TTC1: variants seen among roughly 807,000 people sequenced by gnomAD.
TTC1 encodes the protein tetratricopeptide repeat domain 1.
A neutral mutation model predicts 37.6 loss-of-function variants in TTC1; 31 were observed. That is an observed-to-expected ratio of 0.82 (90% confidence interval 0.62 to 1.11). The LOEUF is 1.11. Among genes scored for constraint, TTC1 ranks in the 50% most tolerant of loss-of-function variants. The probability of loss-of-function intolerance (pLI) is 0.00; values close to 1 mark genes in which losing one functional copy is unlikely to be tolerated. For missense variants in TTC1, 351 were observed against 339.0 expected, an observed-to-expected ratio of 1.04 and a Z score of -0.28; for synonymous variants, 127 against 122.4, an observed-to-expected ratio of 1.04 and a Z score of -0.25.
chr5:160,023,486 T>G (rs1756748820), intron 2 of TTC1, among the ~76,000 whole-genome samples: 2 of 151,994 alleles, frequency 1.3e-5, no homozygotes, highest in Non-Finnish European at 2.9e-5. Context: ...AGAGACACGG[T>G]CTTGCTGTGT....
At position 160,065,011 on chromosome 5, in the gene TTC1, C is replaced by T. The variant is rs140930247; in HGVS notation, c.825C>T (p.Ser275=). 2.5e-6 allele frequency: 4 copies of T among 1,613,908 alleles called. No homozygotes were observed. Among genetic ancestry groups the T allele is most frequent in the African/African-American group, 2.7e-5 (2 of 74,904 alleles). The part of the protein sequence containing the change: ...STENFQIKQD[S]STGSYSINFV... Reference sequence around the variant, plus strand: ...AAAATTTCCAGATCAAACAGGATTCCTCTACCGGCTCGTACTCCATCAATT... The same window carrying T: ...AAAATTTCCAGATCAAACAGGATTCTTCTACCGGCTCGTACTCCATCAATT... Residue 275 remains serine, a synonymous_variant, in exon 8 of 8, where the codon TCC becomes TCT. Coordinates refer to ENST00000231238, the MANE Select transcript of TTC1 (RefSeq NM_003314.3).
chr5:160,033,218 T>C (rs1341225484), intron 2 of TTC1, among the ~76,000 whole-genome samples: 2 of 152,186 alleles, frequency 1.3e-5, no homozygotes, highest in Non-Finnish European at 2.9e-5. Flanking sequence ...TAGGTAAATA[T>C]GGCCATATTC....
chr5:160,025,055 T>C (rs1007126039), intron 2 of TTC1, among the ~76,000 whole-genome samples: 3 of 152,318 alleles, frequency 2.0e-5, no homozygotes, highest in Non-Finnish European at 4.4e-5. Context: ...TGAGACGAAG[T>C]CTCACTCTGT....
intron 2 of TTC1, among the ~76,000 whole-genome samples, chr5:160,023,382 C>T (rs908435907): frequency 2.0e-5 from 3 of 150,906 alleles, no homozygotes; most frequent in Non-Finnish European, 2.9e-5. Context: ...ACCTCTACCT[C>T]TGGGGCTCAA....
intron 5 of TTC1, among the ~76,000 whole-genome samples, chr5:160,048,637 G>A (rs1757321281): frequency 2.6e-5 from 4 of 152,138 alleles, no homozygotes; most frequent in Admixed American, 2.6e-4. Flanking sequence ...GGAACAGTGA[G>A]GATTTAACTA....
intron 2 of TTC1, among the ~76,000 whole-genome samples, chr5:160,022,994 G>A (rs908403715): frequency 5.3e-5 from 8 of 152,108 alleles, no homozygotes; most frequent in African/African-American, 1.9e-4. Context: ...AGTGGCTCAC[G>A]CCTGTAATCC....
At chr5:160,017,482 C>G (rs1756627660) in intron 2 of TTC1, among the ~76,000 whole-genome samples, 1 of 152,114 alleles carries the variant, frequency 6.6e-6, no homozygotes, top group Non-Finnish European at 1.5e-5. Flanking sequence ...AATCACATCC[C>G]AAAAGGACGC....
At chr5:160,041,638 A>G (rs1168208968) in intron 4 of TTC1, among the ~76,000 whole-genome samples, 1 of 152,056 alleles carries the variant, frequency 6.6e-6, no homozygotes, top group Admixed American at 6.6e-5. Flanking sequence ...CATGACTTGC[A>G]GTGCAGTAGG....
At chr5:160,015,305 G>A (rs144164604) in intron 2 of TTC1, among the ~76,000 whole-genome samples, 1,762 of 152,188 alleles carry the variant, frequency 0.012, 23 homozygotes, top group African/African-American at 0.024. Flanking sequence ...AACCTCCTGG[G>A]CTCAAGCAAT....
At chr5:160,015,214 T>A (rs943645863) in intron 2 of TTC1, among the ~76,000 whole-genome samples, 2 of 152,128 alleles carry the variant, frequency 1.3e-5, no homozygotes, top group African/African-American at 4.8e-5. Flanking sequence ...AAAGCTTTTT[T>A]CTTCTTGTGT....
chr5:160,015,687 A>G (rs530799427), intron 2 of TTC1, among the ~76,000 whole-genome samples: 20 of 152,286 alleles, frequency 1.3e-4, no homozygotes, highest in South Asian at 4.1e-4. Flanking sequence ...GTAATAAACT[A>G]CTAAGTGTAA....
At chr5:160,017,192 A>G (rs115158681) in intron 2 of TTC1, among the ~76,000 whole-genome samples, 4,086 of 152,320 alleles carry the variant, frequency 0.027, 101 homozygotes, top group Non-Finnish European at 0.038. Flanking sequence ...AATTGCAATA[A>G]TAACATTATG....
intron 7 of TTC1, among the ~76,000 whole-genome samples, chr5:160,055,359 G>C (rs1757516037): frequency 6.6e-6 from 1 of 152,186 alleles, no homozygotes; most frequent in African/African-American, 2.4e-5. Context: ...GGCTGCATGG[G>C]CTACTTTTCA....
chr5:160,037,832 C>T (rs568301582), intron 4 of TTC1, among the ~76,000 whole-genome samples: 45 of 147,880 alleles, frequency 3.0e-4, no homozygotes, highest in Non-Finnish European at 4.5e-4. Flanking sequence ...CTACTTACAT[C>T]CAAAGTACAA....
At chr5:160,048,215 G>A (rs1042547233) in intron 5 of TTC1, among the ~76,000 whole-genome samples, 5 of 128,158 alleles carry the variant, frequency 3.9e-5, no homozygotes, top group African/African-American at 1.2e-4. Context: ...TGATGCAATC[G>A]CCACTCACTG....
intron 2 of TTC1, among the ~76,000 whole-genome samples, chr5:160,032,741 G>T (rs1376398816): frequency 2.6e-5 from 3 of 114,310 alleles, no homozygotes; most frequent in Admixed American, 1.1e-4. Flanking sequence ...TTGAGACGGA[G>T]TCTCACTCTG....
At chr5:160,012,289 C>T (rs1444789532) in intron 2 of TTC1, among the ~76,000 whole-genome samples, 1 of 152,080 alleles carries the variant, frequency 6.6e-6, no homozygotes, top group East Asian at 1.9e-4. Context: ...AGTCTGATCC[C>T]TACCTCTAAT....
intron 2 of TTC1, among the ~76,000 whole-genome samples, chr5:160,029,038 A>G (rs111528722): frequency 6.6e-6 from 1 of 152,178 alleles, no homozygotes; most frequent in Non-Finnish European, 1.5e-5. Context: ...TGAACTTTAC[A>G]TAGTAGGTTC....
intron 2 of TTC1, among the ~76,000 whole-genome samples, chr5:160,025,948 T>A (rs1186372014): frequency 2.0e-5 from 3 of 152,162 alleles, no homozygotes; most frequent in Non-Finnish European, 4.4e-5. Flanking sequence ...TAACTTGGCG[T>A]AAAGTGGGAT....
Sources: allele counts gnomAD v4.1 joint callset (sites outside exome capture counted in the v4.1 genomes callset), GRCh38; gene constraint gnomAD v4.1.1; transcripts MANE v1.5; gene names NCBI Gene and HGNC (gene_info 2026-07-23, HGNC 2026-07-21).